CALD1: variants seen among roughly 807,000 people sequenced by gnomAD.
The protein encoded by CALD1 is caldesmon.
CALD1 carries 33 observed loss-of-function variants against 99.9 expected under a neutral mutation model. That is an observed-to-expected ratio of 0.33 (90% CI 0.25 to 0.44). The LOEUF is 0.44. Ranked by LOEUF, CALD1 falls within the 20% of genes least tolerant of loss-of-function variation. The pLI is 1.00. For missense variants in CALD1, 861 were observed against 962.1 expected, an observed-to-expected ratio of 0.89 and a Z score of 1.39; for synonymous variants, 310 against 325.0, an observed-to-expected ratio of 0.95 and a Z score of 0.50.
intron 1 of CALD1, among the ~76,000 whole-genome samples, chr7:134,771,084 T>A (rs1170667590): frequency 6.6e-6 from 1 of 152,190 alleles, no homozygotes; most frequent in African/African-American, 2.4e-5. Flanking sequence ...GAGCAATGGC[T>A]CTCAGCTCCT....
At chr7:134,964,129 G>A (rs1163681545) in intron 13 of CALD1, among the ~76,000 whole-genome samples, 3 of 152,112 alleles carry the variant, frequency 2.0e-5, no homozygotes, top group African/African-American at 4.8e-5. Flanking sequence ...CCCGGGAGTC[G>A]GAGGTTGCAG....
chr7:134,712,295 A>AT, the CALD1 span, among the ~76,000 whole-genome samples: 1 of 152,170 alleles, frequency 6.6e-6, no homozygotes, highest in South Asian at 2.1e-4. Flanking sequence ...CCAGCCAACA[A>AT]TATCTTCTTT....
intron 3 of CALD1, among the ~76,000 whole-genome samples, chr7:134,878,059 A>G (rs1317154220): frequency 3.3e-5 from 5 of 152,148 alleles, no homozygotes; most frequent in African/African-American, 1.2e-4. Flanking sequence ...CCCCTCTCCA[A>G]TCCCTTCCCT....
chr7:134,954,157 C>T (rs988884118), intron 9 of CALD1, among the ~76,000 whole-genome samples: 1 of 152,116 alleles, frequency 6.6e-6, no homozygotes, highest in Non-Finnish European at 1.5e-5. Context: ...TAAAAAATAT[C>T]TCATGATTTC....
At chr7:134,847,737 C>T (rs1799911458) in intron 2 of CALD1, among the ~76,000 whole-genome samples, 1 of 152,198 alleles carries the variant, frequency 6.6e-6, no homozygotes, top group Admixed American at 6.5e-5. Context: ...CACCTTTCTG[C>T]CTGGCATGAC....
At chr7:134,958,038 A>G in intron 9 of CALD1, 31 bp from the exon 10 acceptor site, 1 of 1,510,784 alleles carries the variant, frequency 6.6e-7, no homozygotes. Flanking sequence ...TTGAAATATT[A>G]ATTGGGTTTA....
chr7:134,757,111 T>TTA (rs962874748), intron 1 of CALD1, among the ~76,000 whole-genome samples: 1 of 152,076 alleles, frequency 6.6e-6, no homozygotes, highest in African/African-American at 2.4e-5. Context: ...TTGGGCTTTT[T>TTA]TTTTAAGCCT....
chr7:134,967,982 C>T (rs988453359), intron 14 of CALD1, among the ~76,000 whole-genome samples: 5 of 152,026 alleles, frequency 3.3e-5, no homozygotes, highest in East Asian at 1.9e-4. Context: ...CCCGTCTCTA[C>T]CAAAAATACA....
At chr7:134,723,270 T>G in the CALD1 span, among the ~76,000 whole-genome samples, 1 of 152,252 alleles carries the variant, frequency 6.6e-6, no homozygotes, top group Non-Finnish European at 1.5e-5. Context: ...GAAGTTTCTC[T>G]GCAGTTTCTG....
chr7:134,798,486 G>A (rs772502830), intron 1 of CALD1, among the ~76,000 whole-genome samples: 9 of 152,158 alleles, frequency 5.9e-5, no homozygotes, highest in Admixed American at 1.3e-4. Flanking sequence ...CATTTACCTG[G>A]CTGTTGAATT....
intron 1 of CALD1, among the ~76,000 whole-genome samples, chr7:134,744,636 T>G (rs1796619689): frequency 6.6e-6 from 1 of 152,136 alleles, no homozygotes; most frequent in East Asian, 1.9e-4. Flanking sequence ...AGTAAGCTAA[T>G]TAAAGTAAGT....
At chr7:134,871,999 C>T (rs1451486640) in intron 3 of CALD1, among the ~76,000 whole-genome samples, 3 of 152,180 alleles carry the variant, frequency 2.0e-5, no homozygotes, top group Non-Finnish European at 2.9e-5. Context: ...GAGACTCTGT[C>T]GTCCACATAT....
At chr7:134,772,276 G>A (rs1358986947) in intron 1 of CALD1, among the ~76,000 whole-genome samples, 1 of 151,800 alleles carries the variant, frequency 6.6e-6, no homozygotes, top group Non-Finnish European at 1.5e-5. Context: ...TAGACTTTTT[G>A]TAGAGATGAG....
intron 3 of CALD1, among the ~76,000 whole-genome samples, chr7:134,876,785 A>G (rs1016090379): frequency 1.3e-5 from 2 of 152,238 alleles, no homozygotes; most frequent in African/African-American, 4.8e-5. Flanking sequence ...TAGAAAATTC[A>G]TCAAATGACT....
upstream of CALD1, chr7:134,779,479 T>G: frequency 2.6e-6 from 1 of 388,598 alleles, no homozygotes; most frequent in Non-Finnish European, 4.5e-6. Context: ...GCATCCACCT[T>G]GGCTGGGGTG....
At chr7:134,905,325 C>G (rs2001277) in intron 3 of CALD1, among the ~76,000 whole-genome samples, 14,866 of 152,086 alleles carry the variant, frequency 0.098, 1,164 homozygotes, top group East Asian at 0.42. Context: ...AAGTACCGTG[C>G]AACTATTAGT....
intron 1 of CALD1, among the ~76,000 whole-genome samples, chr7:134,765,712 A>T (rs566431283): frequency 1.3e-5 from 2 of 152,212 alleles, no homozygotes; most frequent in African/African-American, 4.8e-5. Context: ...GATCATGGGG[A>T]TGGATTTCTC....
At chr7:134,772,430 A>G (rs1275531218) in intron 1 of CALD1, among the ~76,000 whole-genome samples, 1 of 152,156 alleles carries the variant, frequency 6.6e-6, no homozygotes, top group Non-Finnish European at 1.5e-5. Context: ...CCACGAGCCT[A>G]AACAACATAC....
chr7:134,879,886 T>C (rs1701783933), intron 3 of CALD1, among the ~76,000 whole-genome samples: 1 of 152,206 alleles, frequency 6.6e-6, no homozygotes, highest in Admixed American at 6.5e-5. Context: ...CTACATCACA[T>C]ACAGTTCCTT....
Sources: allele counts gnomAD v4.1 joint callset (sites outside exome capture counted in the v4.1 genomes callset), GRCh38; gene constraint gnomAD v4.1.1; transcripts MANE v1.5; gene names NCBI Gene and HGNC (gene_info 2026-07-23, HGNC 2026-07-21).